AGPAT4: variants seen among roughly 807,000 people sequenced by gnomAD.
The protein encoded by AGPAT4 is 1-acylglycerol-3-phosphate O-acyltransferase 4.
Under a neutral mutation model 48.0 loss-of-function variants are expected in AGPAT4, and 15 were observed. That is an observed-to-expected ratio of 0.31 (90% CI 0.21 to 0.48). The LOEUF (loss-of-function observed/expected upper bound fraction) is 0.48. Among genes scored for constraint, AGPAT4 ranks in the 20% least tolerant of loss-of-function variants. The pLI is 0.99. For missense variants in AGPAT4, 314 were observed against 482.5 expected, an observed-to-expected ratio of 0.65 and a Z score of 3.27; for synonymous variants, 178 against 198.7, an observed-to-expected ratio of 0.90 and a Z score of 0.88.
intron 2 of AGPAT4, among the ~76,000 whole-genome samples, chr6:161,205,103 G>A (rs531956218): frequency 1.3e-5 from 2 of 152,236 alleles, no homozygotes; most frequent in African/African-American, 4.8e-5. Context: ...GCACAGCAAC[G>A]CCGTTTTGCT....
chr6:161,253,006 G>A (rs1306184484), intron 1 of AGPAT4, among the ~76,000 whole-genome samples: 2 of 151,798 alleles, frequency 1.3e-5, no homozygotes, highest in Non-Finnish European at 2.9e-5. Context: ...ATGAGGTCAG[G>A]AGATCGAGAC....
rs1214939768 is a variant in AGPAT4, at chr6:161,262,170, G to A, written c.-90+11768C>T. 6.6e-6 allele frequency among the ~76,000 whole-genome samples: 1 copy of A among 151,768 alleles called. No individual in the cohort carries two copies. Among genetic ancestry groups the A allele is most frequent in the Non-Finnish European group, 1.5e-5 (1 of 67,956 alleles). On this transcript the variant is annotated intron_variant, in intron 1 of 8. Coordinates refer to ENST00000320285, the MANE Select transcript of AGPAT4 (RefSeq NM_020133.3). The surrounding 1 kb of genome is among the most constrained non-coding windows in gnomAD (Gnocchi z 4.9). ...CTAGCCACCCTCCTTCTATCCTGAGGTTCCAGTCCTCTCAGCCCATAATCA... is the reference window on the plus strand; with the variant it reads ...CTAGCCACCCTCCTTCTATCCTGAGATTCCAGTCCTCTCAGCCCATAATCA...
Position 161,147,645 on chromosome 6 carries a change from C to T in AGPAT4, c.768-1046G>A, listed in dbSNP as rs1419872576. ...ACATAATTAGAACTTACCCCATAAG[C>T]TCCTCCGGAAATATTCTTTCACCTT... On this transcript the variant is annotated intron_variant, in intron 6 of 8. Coordinates refer to ENST00000320285, the MANE Select transcript of AGPAT4 (RefSeq NM_020133.3). The surrounding 1 kb of genome is among the most constrained non-coding windows in gnomAD (Gnocchi z 4.8). 6.6e-6 allele frequency among the ~76,000 whole-genome samples: 1 copy of T among 152,194 alleles called. No individual in the cohort carries two copies. The highest frequency in any genetic ancestry group is 1.5e-5 in the Non-Finnish European group (1 of 68,040).
At position 161,143,509 on chromosome 6, in the gene AGPAT4, AT is replaced by A. The variant is rs1389904495; in HGVS notation, c.843+3014del. 6.6e-6 allele frequency among the ~76,000 whole-genome samples: 1 copy of A among 152,228 alleles called. No homozygotes were observed. Among genetic ancestry groups the A allele is most frequent in the Admixed American group, 6.5e-5 (1 of 15,282 alleles). ...AGTTAGAATCTGTTCACCCCATACAATTAAGAAACCGTGATGGCTATCGTGA... is the reference window on the plus strand; with the variant it reads ...AGTTAGAATCTGTTCACCCCATACAATAAGAAACCGTGATGGCTATCGTGA... On this transcript the variant is annotated intron_variant, in intron 7 of 8. Coordinates refer to ENST00000320285, the MANE Select transcript of AGPAT4 (RefSeq NM_020133.3). The surrounding 1 kb of genome is among the most constrained non-coding windows in gnomAD (Gnocchi z 4.7).
intron 1 of AGPAT4, among the ~76,000 whole-genome samples, chr6:161,253,553 C>T (rs1782862931): frequency 6.6e-6 from 1 of 151,788 alleles, no homozygotes. Flanking sequence ...CGCACCCAGC[C>T]AATATGATCC....
rs1208500842 is a variant in AGPAT4, at chr6:161,204,927, G to GT, written c.178+27108dup. Among the ~76,000 whole-genome samples, 2 of 152,178 alleles carry GT rather than the reference G, an allele frequency of 1.3e-5. No homozygotes were observed. The highest frequency in any genetic ancestry group is 1.3e-4 in the Admixed American group (2 of 15,282). ...CACCTCCAAATTAGAATGATCAGCA[G>GT]TTTTTTACAATAAACCGGGTATGAA... On this transcript the variant is annotated intron_variant, in intron 2 of 8. Coordinates refer to ENST00000320285, the MANE Select transcript of AGPAT4 (RefSeq NM_020133.3). The surrounding 1 kb of genome is among the most constrained non-coding windows in gnomAD (Gnocchi z 4.4).
chr6:161,179,850 T>C (rs1307059349), intron 2 of AGPAT4, among the ~76,000 whole-genome samples: 1 of 152,260 alleles, frequency 6.6e-6, no homozygotes, highest in Non-Finnish European at 1.5e-5. Context: ...AAAATACATG[T>C]TAATCAACTG....
Position 161,143,641 on chromosome 6 carries a change from T to G in AGPAT4, c.843+2883A>C, listed in dbSNP as rs1485074756. Among the ~76,000 whole-genome samples the G allele has an allele frequency of 2.0e-5, 3 of 152,198 alleles. No individual in the cohort carries two copies. Among genetic ancestry groups the G allele is most frequent in the Admixed American group, 2.0e-4 (3 of 15,278 alleles). On this transcript the variant is annotated intron_variant, in intron 7 of 8. Transcript: ENST00000320285. This position sits in a 1 kb window ranked among gnomAD's most constrained non-coding sequence, Gnocchi z 4.7. ...AAGATCACACAAGGGCATGAATGGT[T>G]TCTCAAAGCCTTCCAACAACACGAG...
chr6:161,268,896 G>A (rs534938144), intron 1 of AGPAT4, among the ~76,000 whole-genome samples: 1 of 152,258 alleles, frequency 6.6e-6, no homozygotes, highest in Admixed American at 6.5e-5. Context: ...TCTCAACACT[G>A]TTCGTGTTGG....
At position 161,232,313 on chromosome 6, in the gene AGPAT4, A is replaced by G. The variant is rs553879896; in HGVS notation, c.-89-11T>C. ...GACTCAGGAAGGCGTCTAAAACACA[A>G]ACAAATAGGAAATGTTAGCAAAAAC... On this transcript the variant is annotated splice_polypyrimidine_tract_variant and intron_variant, in intron 1 of 8. Coordinates refer to ENST00000320285, the MANE Select transcript of AGPAT4 (RefSeq NM_020133.3). The surrounding 1 kb of genome is among the most constrained non-coding windows in gnomAD (Gnocchi z 6.8). The G allele has an allele frequency of 2.5e-4, 300 of 1,180,592 alleles. 1 individual carries two copies. In the African/African-American group the frequency reaches 4.3e-3, roughly 17 times the overall value. The allele number at this position is 1,180,592 out of a possible 1,614,324, so 73.1% of individuals were successfully genotyped here.
In AGPAT4 at chr6:161,146,303, C is replaced by T. The variant is rs1243267931; in HGVS notation, c.843+221G>A. Among the ~76,000 whole-genome samples, 1 of 150,716 alleles carries T rather than the reference C, an allele frequency of 6.6e-6. No individual in the cohort carries two copies. Among genetic ancestry groups the T allele is most frequent in the Non-Finnish European group, 1.5e-5 (1 of 68,018 alleles). ...TTGGGGCCATTACTTCTCCCTTGGT[C>T]CACTACACCTAGAGAATAGCTTCAT... On this transcript the variant is annotated intron_variant, in intron 7 of 8. Transcript: ENST00000320285. The surrounding 1 kb of genome is among the most constrained non-coding windows in gnomAD (Gnocchi z 7.1).
chr6:161,172,567 C>T (rs1215480465), intron 2 of AGPAT4, among the ~76,000 whole-genome samples: 2 of 152,232 alleles, frequency 1.3e-5, no homozygotes, highest in African/African-American at 4.8e-5. Flanking sequence ...GGAAGCCTGC[C>T]ACCCACAGAG....
intron 2 of AGPAT4, among the ~76,000 whole-genome samples, chr6:161,183,992 C>A (rs1011841429): frequency 6.6e-6 from 1 of 151,986 alleles, no homozygotes; most frequent in Non-Finnish European, 1.5e-5. Flanking sequence ...CTTGGTGAGA[C>A]AGGAAGTCAC....
At position 161,232,158 on chromosome 6, in the gene AGPAT4, T is replaced by C; in HGVS notation, c.56A>G (p.Tyr19Cys). The C allele has an allele frequency of 6.2e-7, 1 of 1,614,150 alleles. No homozygotes were observed. The highest frequency in any genetic ancestry group is 8.5e-7 in the Non-Finnish European group (1 of 1,180,030). Residue 19 changes from tyrosine to cysteine, a missense_variant, in exon 2 of 9, where the codon TAC becomes TGC. Transcript: ENST00000320285. The surrounding 1 kb of genome is among the most constrained non-coding windows in gnomAD (Gnocchi z 6.8). ...GATTAGCCCTGAGGCAATAAAGACG[T>C]AGCAGAAGACCAGGTGGCACAGGAA... Reference protein sequence around the residue: ...SQFLCHLVFCYVFIASGLIIN... With the variant: ...SQFLCHLVFCCVFIASGLIIN...
At chr6:161,153,850 T>G (rs573723174) in intron 4 of AGPAT4, among the ~76,000 whole-genome samples, 3 of 112,916 alleles carry the variant, frequency 2.7e-5, no homozygotes, top group Non-Finnish European at 1.8e-5. Context: ...CAGGGTCACA[T>G]ATGGCCACAT....
chr6:161,147,568 T>C lies in AGPAT4; in HGVS notation c.768-969A>G, dbSNP rs1212199076. On this transcript the variant is annotated intron_variant, in intron 6 of 8. Transcript: ENST00000320285. The surrounding 1 kb of genome is among the most constrained non-coding windows in gnomAD (Gnocchi z 4.8). ...GATGGGATTCCATCTTATAACAGAT[T>C]ACAATGAGCCACTTCCTTTTCAAGG... Among the ~76,000 whole-genome samples the C allele has an allele frequency of 6.6e-6, 1 of 152,208 alleles. No homozygotes were observed. The highest frequency in any genetic ancestry group is 1.5e-5 in the Non-Finnish European group (1 of 68,040).
rs752777585 is a variant in AGPAT4 at position 161,238,439 on chromosome 6, A to G, written c.-89-6137T>C. On this transcript the variant is annotated intron_variant, in intron 1 of 8. Transcript: ENST00000320285. This position sits in a 1 kb window ranked among gnomAD's most constrained non-coding sequence, Gnocchi z 5.2. ...TGGGAAAGCCAATGAGATGGTCGTC[A>G]ACTCAGTTTTCCTTCTCTACCTATC... 1.3e-5 allele frequency among the ~76,000 whole-genome samples: 2 copies of G among 152,204 alleles called. No individual in the cohort carries two copies. Among genetic ancestry groups the G allele is most frequent in the Non-Finnish European group, 2.9e-5 (2 of 68,040 alleles).
Position 161,130,899 on chromosome 6 carries a change from A to C in AGPAT4, c.*5641T>G, listed in dbSNP as rs1778880115. The C allele has an allele frequency of 1.9e-6, 1 of 518,930 alleles. No individual in the cohort carries two copies. The highest frequency in any genetic ancestry group is 1.9e-5 in the African/African-American group (1 of 51,982). 32.1% of individuals were successfully genotyped at this position (518,930 alleles called of 1,614,324 possible). On this transcript the variant is annotated 3_prime_UTR_variant, in exon 9 of 9. Coordinates refer to ENST00000320285, the MANE Select transcript of AGPAT4 (RefSeq NM_020133.3). ...AAAGATACAGAGAGAATGGCATTCC[A>C]AAATTCCATGGATGACTTTTCTGAA...
rs952400301 is a variant in AGPAT4, at chr6:161,240,981, T to A, written c.-89-8679A>T. On this transcript the variant is annotated intron_variant, in intron 1 of 8. Transcript: ENST00000320285. The surrounding 1 kb of genome is among the most constrained non-coding windows in gnomAD (Gnocchi z 5.5). ...GTCCTCAATTAAAAAATAATCATCA[T>A]CGGCCAGGTGCAGCGGCTCACACCT... Among the ~76,000 whole-genome samples, 1 of 152,034 alleles carries A rather than the reference T, an allele frequency of 6.6e-6. No homozygotes were observed. Among genetic ancestry groups the A allele is most frequent in the African/African-American group, 2.4e-5 (1 of 41,392 alleles).
Sources: gnomAD v4.1 joint callset for allele counts (sites outside exome capture counted in the v4.1 genomes callset) on GRCh38, gnomAD v4.1.1 for gene constraint, Gnocchi (gnomAD v3.1) non-coding constraint, MANE v1.5 for transcripts, NCBI Gene and HGNC (gene_info 2026-07-23, HGNC 2026-07-21) for gene names.